CWH43: variants seen among roughly 807,000 people sequenced by gnomAD.
The protein encoded by CWH43 is PGAP2-interacting protein.
Under a neutral mutation model 85.7 loss-of-function variants are expected in CWH43, and 91 were observed. That is an observed-to-expected ratio of 1.06 (90% CI 0.90 to 1.26). CWH43 has a LOEUF of 1.26. Ranked by LOEUF, CWH43 falls within the 50% of genes most tolerant of loss-of-function variation. The pLI, the probability that CWH43 is intolerant of heterozygous loss-of-function variation, is 0.00. For synonymous variants in CWH43, 323 were observed against 293.6 expected (o/e 1.10, Z -1.02); for missense variants, 869 against 839.2 (o/e 1.04, Z -0.44).
chr4:48,991,473 G>A lies in CWH43; in HGVS notation c.255G>A (p.Gln85=), dbSNP rs1466211938. 6.2e-7 allele frequency: 1 copy of A among 1,614,036 alleles called. No individual in the cohort carries two copies. Among genetic ancestry groups the A allele is most frequent in the Non-Finnish European group, 8.5e-7 (1 of 1,179,970 alleles). ...IITIGSIASF[Q]APNAKLRLMV... ...TTGTAGGCAGCATAGCCTCCTTCCA[G>A]GCTCCAAATGCCAAACTTCGACTGA... The change falls in exon 3 of 16, where the codon CAG becomes CAA. Residue 85 remains glutamine (Q), a synonymous_variant. Transcript: ENST00000226432.
At chr4:49,059,776 C>T (rs1785084286) in intron 15 of CWH43, among the ~76,000 whole-genome samples, 1 of 151,894 alleles carries the variant, frequency 6.6e-6, no homozygotes, top group Admixed American at 6.6e-5. Context: ...TGGGATGGGC[C>T]TGGAGCCTGT....
At chr4:49,046,349 A>G (rs1282617066) in intron 14 of CWH43, among the ~76,000 whole-genome samples, 3 of 151,960 alleles carry the variant, frequency 2.0e-5, no homozygotes, top group Non-Finnish European at 4.4e-5. Flanking sequence ...TTTATCCAAT[A>G]AGTGTTTACT....
intron 14 of CWH43, among the ~76,000 whole-genome samples, chr4:49,045,694 G>C (rs894344054): frequency 1.3e-5 from 2 of 151,958 alleles, no homozygotes; most frequent in African/African-American, 4.8e-5. Context: ...TGACAAAATC[G>C]CCTTATGACA....
intron 14 of CWH43, among the ~76,000 whole-genome samples, chr4:49,048,681 A>G (rs896470829): frequency 1.3e-5 from 2 of 151,992 alleles, no homozygotes; most frequent in African/African-American, 4.8e-5. Flanking sequence ...TCTTCTTATA[A>G]AGCCATTAAT....
At chr4:49,020,417 A>ACACACACACACACATATC (rs55895405) in intron 9 of CWH43, among the ~76,000 whole-genome samples, 1 of 26,694 alleles carries the variant, frequency 3.7e-5, no homozygotes, top group Non-Finnish European at 2.0e-4. Context: ...ACACACACAC[A>ACACACACACACACATATC]TATATATATA....
intron 2 of CWH43, among the ~76,000 whole-genome samples, chr4:48,990,681 T>C (rs1400927367): frequency 6.6e-6 from 1 of 152,184 alleles, no homozygotes; most frequent in Non-Finnish European, 1.5e-5. Flanking sequence ...CCTTCACACA[T>C]TACTGGTAGA....
chr4:49,044,906 G>C lies in CWH43; in HGVS notation c.1865+59G>C, dbSNP rs566192596. On this transcript the variant is annotated intron_variant, in intron 14 of 15. Coordinates refer to ENST00000226432, the MANE Select transcript of CWH43 (RefSeq NM_025087.3). Reference sequence around the variant, plus strand: ...ATTATTAATGTGATCTTTTGGGTCTGTCTGAGAAGGAAAAAGAACTTTATG... The same window carrying C: ...ATTATTAATGTGATCTTTTGGGTCTCTCTGAGAAGGAAAAAGAACTTTATG... 404 of 1,389,816 alleles carry C rather than the reference G, an allele frequency of 2.9e-4. 1 individual carries two copies. The South Asian group carries it at 4.7e-3, about 16-fold the overall frequency. 86.1% of individuals were successfully genotyped at this position (1,389,816 alleles called of 1,614,324 possible).
intron 8 of CWH43, among the ~76,000 whole-genome samples, chr4:49,014,051 A>G (rs1347804393): frequency 6.6e-6 from 1 of 152,256 alleles, no homozygotes; most frequent in East Asian, 1.9e-4. Context: ...GTGTAAAGAT[A>G]TAAAAAACAA....
chr4:49,045,574 T>A (rs1784597804), intron 14 of CWH43, among the ~76,000 whole-genome samples: 1 of 152,172 alleles, frequency 6.6e-6, no homozygotes, highest in African/African-American at 2.4e-5. Context: ...TACAGTTACA[T>A]GCAGTACAGG....
Position 49,050,762 on chromosome 4 carries a change from T to A in CWH43, c.1934T>A (p.Ile645Asn), listed in dbSNP as rs1230195411. The A allele has an allele frequency of 6.2e-7, 1 of 1,611,946 alleles. No individual in the cohort carries two copies. Among genetic ancestry groups the A allele is most frequent in the Non-Finnish European group, 8.5e-7 (1 of 1,178,286 alleles). The stretch of plus-strand genomic sequence containing the variant: ...GAAATTCAGATGGCAAAATTTAGGA[T>A]CCCTGATGACCCCACTAATTATAGA... ...DSEIQMAKFR[I>N]PDDPTNYRDN... Residue 645 changes from isoleucine to asparagine, a missense_variant, in exon 15 of 16, where the codon ATC becomes AAC. Physicochemically the swap from Ile to Asn is moderately radical, Grantham distance 149. Coordinates refer to ENST00000226432, the MANE Select transcript of CWH43 (RefSeq NM_025087.3).
At chr4:49,008,836 A>G (rs1414735099) in intron 8 of CWH43, among the ~76,000 whole-genome samples, 1 of 151,984 alleles carries the variant, frequency 6.6e-6, no homozygotes, top group Non-Finnish European at 1.5e-5. Flanking sequence ...TGGTCTATAT[A>G]TCTGTTTTGG....
At chr4:48,988,868 T>G (rs3761728) in intron 2 of CWH43, among the ~76,000 whole-genome samples, 200 bp downstream of exon 2, 94,113 of 152,056 alleles carry the variant, frequency 0.62, 31,175 homozygotes, top group Middle Eastern at 0.8. Flanking sequence ...CATTGTTTTT[T>G]CCAGACTAGA....
At chr4:49,002,825 G>A (rs1188125014) in intron 6 of CWH43, among the ~76,000 whole-genome samples, 2 of 152,246 alleles carry the variant, frequency 1.3e-5, no homozygotes, top group African/African-American at 4.8e-5. Context: ...AACTTATTGA[G>A]CTATGGGGCA....
intron 2 of CWH43, among the ~76,000 whole-genome samples, chr4:48,990,656 G>T (rs923327608): frequency 2.0e-5 from 3 of 152,202 alleles, no homozygotes; most frequent in African/African-American, 7.2e-5. Flanking sequence ...TGACAAGGAT[G>T]TGGGGAAATT....
intron 13 of CWH43, among the ~76,000 whole-genome samples, chr4:49,041,024 T>C (rs1784442518): frequency 6.6e-6 from 1 of 152,234 alleles, no homozygotes; most frequent in African/African-American, 2.4e-5. Context: ...GGCTTGTTTT[T>C]GTCAGGTTTG....
At chr4:49,016,945 T>A (rs1783566573) in intron 8 of CWH43, 1 of 783,938 alleles carries the variant, frequency 1.3e-6, no homozygotes, top group Non-Finnish European at 2.4e-6. Flanking sequence ...AAGGCCCCAT[T>A]AGTCACTTTG....
chr4:48,992,234 T>C lies in CWH43; in HGVS notation c.511+144T>C, dbSNP rs1037982948. The stretch of plus-strand genomic sequence containing the variant: ...CTTTTTCTTCCTCTGAAATAATAAT[T>C]GGTGCAGCCAGTGGGCTATTTGCTA... On this transcript the variant is annotated intron_variant, in intron 4 of 15. Transcript: ENST00000226432. This position sits in a 1 kb window ranked among gnomAD's most constrained non-coding sequence, Gnocchi z 4.3. 5.4e-6 allele frequency: 4 copies of C among 739,728 alleles called. No individual in the cohort carries two copies. The highest frequency in any genetic ancestry group is 1.8e-5 in the African/African-American group (1 of 57,006). 45.8% of individuals were successfully genotyped at this position (739,728 alleles called of 1,614,324 possible).
Position 48,986,301 on chromosome 4 carries a change from G to C in CWH43, c.-129G>C. On this transcript the variant is annotated 5_prime_UTR_variant, in exon 1 of 16. Transcript: ENST00000226432. ...GTTGGCTGGGGCTCACTTGGCAACGGGACGCGGGAACGAGGGGCGCGGACG... is the reference window on the plus strand; with the variant it reads ...GTTGGCTGGGGCTCACTTGGCAACGCGACGCGGGAACGAGGGGCGCGGACG... 6 of 898,872 alleles carry C rather than the reference G, an allele frequency of 6.7e-6. No individual in the cohort carries two copies. The highest frequency in any genetic ancestry group is 9.9e-6 in the Non-Finnish European group (6 of 607,294). 55.7% of individuals were successfully genotyped at this position (898,872 alleles called of 1,614,324 possible).
intron 2 of CWH43, among the ~76,000 whole-genome samples, chr4:48,989,144 A>G (rs775673373): frequency 2.0e-5 from 3 of 152,230 alleles, no homozygotes; most frequent in Non-Finnish European, 2.9e-5. Flanking sequence ...CTACAAACCA[A>G]TAATAAAAAG....
Sources: allele counts gnomAD v4.1 joint callset (sites outside exome capture counted in the v4.1 genomes callset), GRCh38; gene constraint gnomAD v4.1.1; non-coding constraint Gnocchi (gnomAD v3.1); transcripts MANE v1.5; gene names NCBI Gene and HGNC (gene_info 2026-07-23, HGNC 2026-07-21).